Variants in TNKS observed in about 807,000 individuals in gnomAD.
TNKS encodes poly [ADP-ribose] polymerase tankyrase-1.
TNKS carries 72 observed loss-of-function variants against 135.8 expected under a neutral mutation model. The observed-to-expected ratio is 0.53, with a 90% confidence interval of 0.44 to 0.64. The LOEUF is 0.64. TNKS is among the 30% of genes least tolerant of loss of function. The pLI, the probability that TNKS is intolerant of heterozygous loss-of-function variation, is 0.00. For missense variants in TNKS, 1,769 were observed against 1,674.0 expected (o/e 1.06, Z -0.99); for synonymous variants, 849 against 649.3 (o/e 1.31, Z -4.68).
At chr8:9,767,350 A>C (rs1807515746) in intron 25 of TNKS, among the ~76,000 whole-genome samples, 1 of 152,220 alleles carries the variant, frequency 6.6e-6, no homozygotes, top group Non-Finnish European at 1.5e-5. Flanking sequence ...AAAAATACAA[A>C]AGAATTATAC....
At chr8:9,599,938 C>G (rs568955403) in intron 2 of TNKS, among the ~76,000 whole-genome samples, 64 of 152,266 alleles carry the variant, frequency 4.2e-4, no homozygotes, top group African/African-American at 1.4e-3. Flanking sequence ...CTCATTAAGT[C>G]ATATATAGAA....
chr8:9,689,399 A>G (rs982478506), intron 5 of TNKS, among the ~76,000 whole-genome samples: 2 of 152,236 alleles, frequency 1.3e-5, no homozygotes, highest in African/African-American at 2.4e-5. Context: ...TGTAAATACT[A>G]TGCATAATCA....
chr8:9,756,213 C>A (rs1806826552), intron 20 of TNKS, among the ~76,000 whole-genome samples: 1 of 152,006 alleles, frequency 6.6e-6, no homozygotes, highest in African/African-American at 2.4e-5. Flanking sequence ...AAAAGCATGG[C>A]CTCCCATAAT....
At chr8:9,722,866 A>C (rs941323944) in intron 12 of TNKS, among the ~76,000 whole-genome samples, 1 of 152,162 alleles carries the variant, frequency 6.6e-6, no homozygotes, top group Non-Finnish European at 1.5e-5. Context: ...TATTGAATAA[A>C]TCAAGCATAT....
At chr8:9,686,316 A>G (rs975386638) in intron 5 of TNKS, among the ~76,000 whole-genome samples, 3 of 152,130 alleles carry the variant, frequency 2.0e-5, no homozygotes, top group Non-Finnish European at 4.4e-5. Flanking sequence ...AAGCTTCTTA[A>G]TGATTCTAAC....
intron 3 of TNKS, among the ~76,000 whole-genome samples, chr8:9,632,388 C>T (rs531446303): frequency 3.5e-4 from 54 of 152,264 alleles, no homozygotes; most frequent in Middle Eastern, 3.4e-3. Flanking sequence ...CAATTATTAA[C>T]GTATTTCAGG....
chr8:9,644,062 G>A (rs1237589630), intron 3 of TNKS, among the ~76,000 whole-genome samples: 1 of 152,156 alleles, frequency 6.6e-6, no homozygotes, highest in Non-Finnish European at 1.5e-5. Flanking sequence ...GAGTTACTTA[G>A]AATAGCCAAA....
chr8:9,685,796 C>G (rs1234014764), intron 5 of TNKS, among the ~76,000 whole-genome samples: 3 of 152,058 alleles, frequency 2.0e-5, no homozygotes, highest in Non-Finnish European at 4.4e-5. Flanking sequence ...AAATTAATAT[C>G]TGGCTGAAAA....
chr8:9,713,591 T>C (rs1804439608), intron 11 of TNKS, among the ~76,000 whole-genome samples: 1 of 152,204 alleles, frequency 6.6e-6, no homozygotes, highest in South Asian at 2.1e-4. Flanking sequence ...GTGTTCATCC[T>C]AGTCTTTCCA....
intron 2 of TNKS, among the ~76,000 whole-genome samples, chr8:9,600,890 A>G (rs1798991099): frequency 6.6e-6 from 1 of 152,220 alleles, no homozygotes; most frequent in African/African-American, 2.4e-5. Flanking sequence ...GCATTATTAC[A>G]GAATCTAAAT....
intron 2 of TNKS, among the ~76,000 whole-genome samples, chr8:9,608,067 A>G (rs1554447849): frequency 1.3e-5 from 2 of 152,138 alleles, no homozygotes; most frequent in Non-Finnish European, 1.5e-5. Context: ...GAGCCCCACG[A>G]ATAGCTGGGA....
Position 9,751,854 on chromosome 8 carries a change from G to C in TNKS, c.3070+8G>C, listed in dbSNP as rs564297322. 1 of 1,612,510 alleles carries C rather than the reference G, an allele frequency of 6.2e-7. No individual in the cohort carries two copies. Among genetic ancestry groups the C allele is most frequent in the Non-Finnish European group, 8.5e-7 (1 of 1,178,624 alleles). ...AAAGGAAGGAAGGAGAAGGTGAGTA[G>C]ACCCCATGAATGCTTATTTATTTAT... On this transcript the variant is annotated splice_region_variant and intron_variant, in intron 19 of 26. Coordinates refer to ENST00000310430, the MANE Select transcript of TNKS (RefSeq NM_003747.3).
chr8:9,713,670 A>T (rs371458579), intron 11 of TNKS, among the ~76,000 whole-genome samples: 1 of 152,212 alleles, frequency 6.6e-6, no homozygotes, highest in South Asian at 2.1e-4. Flanking sequence ...ATATTTAATC[A>T]GAGTTATGAA....
chr8:9,632,580 C>T (rs969738587), intron 3 of TNKS, among the ~76,000 whole-genome samples: 2 of 152,260 alleles, frequency 1.3e-5, no homozygotes, highest in South Asian at 4.1e-4. Context: ...GCTGCTTGAA[C>T]CCTATCAGAG....
intron 11 of TNKS, among the ~76,000 whole-genome samples, chr8:9,714,534 A>G (rs1804507264): frequency 1.3e-5 from 2 of 152,170 alleles, no homozygotes; most frequent in Admixed American, 1.3e-4. Context: ...GGTTTGATCC[A>G]CTAACTCCAT....
chr8:9,691,152 C>T (rs1255951141), intron 5 of TNKS, among the ~76,000 whole-genome samples: 1 of 152,168 alleles, frequency 6.6e-6, no homozygotes, highest in African/African-American at 2.4e-5. Context: ...GAAGTAACTG[C>T]AGGGGAGTTT....
chr8:9,575,252 A>C (rs868594923), intron 1 of TNKS: 9 of 505,568 alleles, frequency 1.8e-5, no homozygotes, highest in South Asian at 1.7e-4. Context: ...ACGCAGGGCT[A>C]ATTTTTTGTA....
At chr8:9,557,518 C>T (rs1027312331) in intron 1 of TNKS, 2 of 151,416 alleles carry the variant, frequency 1.3e-5, no homozygotes, top group African/African-American at 4.9e-5. Context: ...TGCCTGGATA[C>T]CTATTGTTGA....
chr8:9,772,607 C>T (rs1490247721), intron 26 of TNKS, among the ~76,000 whole-genome samples: 1 of 151,880 alleles, frequency 6.6e-6, no homozygotes, highest in Non-Finnish European at 1.5e-5. Context: ...AGAGAAAGTA[C>T]ATTATTAGAT....
Sources: gnomAD v4.1 joint callset for allele counts (sites outside exome capture counted in the v4.1 genomes callset) on GRCh38, gnomAD v4.1.1 for gene constraint, MANE v1.5 for transcripts, NCBI Gene and HGNC (gene_info 2026-07-23, HGNC 2026-07-21) for gene names.